Variants in DIPK1A observed in about 807,000 individuals in gnomAD.
The protein encoded by DIPK1A is divergent protein kinase domain 1A.
In DIPK1A, 27 loss-of-function variants were observed where a neutral mutation model predicts 40.8. The ratio of observed to expected loss-of-function variants is 0.66; its 90% confidence interval spans 0.49 to 0.91. The LOEUF (loss-of-function observed/expected upper bound fraction) is 0.91. Among genes scored for constraint, DIPK1A ranks in the 40% least tolerant of loss-of-function variants. The pLI is 0.00. For synonymous variants in DIPK1A, 166 were observed against 171.3 expected, an observed-to-expected ratio of 0.97 and a Z score of 0.24; for missense variants, 412 against 505.7, an observed-to-expected ratio of 0.81 and a Z score of 1.78.
chr1:92,840,271 A>G (rs144568160), downstream of DIPK1A: 718 of 384,934 alleles, frequency 1.9e-3, 5 homozygotes, highest in African/African-American at 0.014. Context: ...TCAGACTCCC[A>G]AAGTGCTTGA....
At chr1:92,880,400 C>T (rs1318452653) in intron 1 of DIPK1A, among the ~76,000 whole-genome samples, 18 of 152,160 alleles carry the variant, frequency 1.2e-4, no homozygotes, top group Non-Finnish European at 1.5e-5. Flanking sequence ...CACGATGACA[C>T]AAAATGCCAA....
chr1:92,841,499 A>G (rs1181125894), downstream of DIPK1A, among the ~76,000 whole-genome samples: 1 of 152,194 alleles, frequency 6.6e-6, no homozygotes, highest in African/African-American at 2.4e-5. Flanking sequence ...ACATTTGGGC[A>G]AATACCTAGA....
At chr1:92,845,334 T>A (rs1687558115) in intron 4 of DIPK1A, among the ~76,000 whole-genome samples, 1 of 147,614 alleles carries the variant, frequency 6.8e-6, no homozygotes, top group African/African-American at 2.6e-5. Context: ...ACTGCTATGC[T>A]TTTTTTCCCG....
chr1:92,843,519 T>G lies in DIPK1A; in HGVS notation c.1151A>C (p.Glu384Ala), dbSNP rs559418823. 6.4e-7 allele frequency: 1 copy of G among 1,552,006 alleles called. No individual in the cohort carries two copies. Among genetic ancestry groups the G allele is most frequent in the Admixed American group, 2.0e-5 (1 of 51,010 alleles). ...LLRGAPSEIR[E>A]ELEKQLYSCI... ...AGAATAAAGCTGCTTTTCTAATTCT[T>G]CACGAATTTCACTTGGAGCACCACG... Residue 384 changes from glutamate (E) to alanine (A), a missense_variant, in exon 5 of 5, where the codon GAA (glutamate) becomes GCA (alanine). By Grantham distance (107) the Glu-to-Ala change is moderately radical. Transcript: ENST00000370310.
chr1:92,911,545 C>G (rs898357454), intron 1 of DIPK1A, among the ~76,000 whole-genome samples: 3 of 152,138 alleles, frequency 2.0e-5, no homozygotes, highest in Non-Finnish European at 2.9e-5. Flanking sequence ...ATATTATATA[C>G]GTACCATAGT....
chr1:92,838,903 T>A (rs1290125422), downstream of DIPK1A, among the ~76,000 whole-genome samples: 1 of 152,250 alleles, frequency 6.6e-6, no homozygotes, highest in Non-Finnish European at 1.5e-5. Context: ...ATTATTTTCC[T>A]TTAATAATCT....
chr1:92,902,403 G>A (rs1484457162), intron 1 of DIPK1A, among the ~76,000 whole-genome samples: 5 of 152,152 alleles, frequency 3.3e-5, no homozygotes, highest in African/African-American at 1.2e-4. Flanking sequence ...TCAGCCTCAG[G>A]GATGAAGGGG....
intron 1 of DIPK1A, among the ~76,000 whole-genome samples, chr1:92,880,188 A>G (rs1648304203): frequency 6.6e-6 from 1 of 152,362 alleles, no homozygotes; most frequent in Admixed American, 6.5e-5. Flanking sequence ...AATGTGTTTG[A>G]GAAACTTACA....
chr1:92,832,947 G>C, exon 5 of DIPK1A: 3 of 710,198 alleles, frequency 4.2e-6, no homozygotes, highest in Non-Finnish European at 7.7e-6. Context: ...GGGACATAGC[G>C]TGTTCCGAAC....
intron 2 of DIPK1A, among the ~76,000 whole-genome samples, chr1:92,856,958 C>T (rs907251070): frequency 3.9e-5 from 6 of 152,084 alleles, no homozygotes; most frequent in African/African-American, 1.4e-4. Context: ...GTACGAAATA[C>T]TATGCAGTCA....
Position 92,861,321 on chromosome 1 carries a change from C to CTTTTTTTTTTTTTTTTTT in DIPK1A, c.190-10384_190-10367dup, listed in dbSNP as rs71230876. On this transcript the variant is annotated intron_variant, in intron 2 of 4. Coordinates refer to ENST00000370310, the MANE Select transcript of DIPK1A (RefSeq NM_001006605.5). ...AATAGCTTTTCTATTCTCTCTCTCT[C>CTTTTTTTTTTTTTTTTTT]TTTTTTTTTTTTTTTTTTTTTTTGA... Among the ~76,000 whole-genome samples the CTTTTTTTTTTTTTTTTTT allele has an allele frequency of 3.6e-5, 3 of 83,546 alleles. 1 individual carries two copies. The highest frequency in any genetic ancestry group is 6.4e-5 in the Non-Finnish European group (3 of 47,238). The allele number at this position is 83,546 out of a possible 152,430, so 54.8% of individuals were successfully genotyped here.
chr1:92,885,334 TAAC>T (rs1313851296), intron 1 of DIPK1A, among the ~76,000 whole-genome samples: 4 of 152,106 alleles, frequency 2.6e-5, no homozygotes, highest in Admixed American at 6.6e-5. Context: ...AACATTTCTT[TAAC>T]AACAACAACA....
chr1:92,937,088 A>C (rs546386219), intron 1 of DIPK1A, among the ~76,000 whole-genome samples: 1 of 152,348 alleles, frequency 6.6e-6, no homozygotes, highest in East Asian at 1.9e-4. Flanking sequence ...ATTGCACTTA[A>C]GTCCTTTGTC....
chr1:92,928,232 G>C (rs767928150), intron 1 of DIPK1A, among the ~76,000 whole-genome samples: 1 of 152,132 alleles, frequency 6.6e-6, no homozygotes, highest in Non-Finnish European at 1.5e-5. Context: ...GGTTGCTTTA[G>C]AAATTAAAAT....
At chr1:92,933,909 TA>T (rs1422665822) in intron 1 of DIPK1A, 1 of 152,206 alleles carries the variant, frequency 6.6e-6, no homozygotes, top group Non-Finnish European at 1.5e-5. Flanking sequence ...GATGTTAGCT[TA>T]AGACTTTTAA....
chr1:92,911,780 C>T (rs969277237), intron 1 of DIPK1A, among the ~76,000 whole-genome samples: 1 of 151,908 alleles, frequency 6.6e-6, no homozygotes, highest in African/African-American at 2.4e-5. Flanking sequence ...GCGGGTAGAT[C>T]ACTTGAGGTC....
intron 1 of DIPK1A, among the ~76,000 whole-genome samples, chr1:92,922,633 G>A (rs1326587840): frequency 6.6e-6 from 1 of 152,206 alleles, no homozygotes. Flanking sequence ...CTGGAAGTCT[G>A]AAGGTGTTTA....
At chr1:92,872,559 C>A (rs1447926177) in intron 2 of DIPK1A, among the ~76,000 whole-genome samples, 1 of 152,114 alleles carries the variant, frequency 6.6e-6, no homozygotes, top group African/African-American at 2.4e-5. Flanking sequence ...GTGTTTATCT[C>A]TTGATTTTTG....
chr1:92,870,646 A>G (rs1411103029), intron 2 of DIPK1A, among the ~76,000 whole-genome samples: 1 of 152,220 alleles, frequency 6.6e-6, no homozygotes, highest in Non-Finnish European at 1.5e-5. Context: ...ATCTGATGCC[A>G]TGGTAAGCCA....
Sources: gnomAD v4.1 joint callset for allele counts (sites outside exome capture counted in the v4.1 genomes callset) on GRCh38, gnomAD v4.1.1 for gene constraint, MANE v1.5 for transcripts, NCBI Gene and HGNC (gene_info 2026-07-23, HGNC 2026-07-21) for gene names.